BAZ2B: variants seen among roughly 807,000 people sequenced by gnomAD.
BAZ2B encodes the protein bromodomain adjacent to zinc finger domain protein 2B.
Under a neutral mutation model 246.0 loss-of-function variants are expected in BAZ2B, and 91 were observed. The observed-to-expected ratio is 0.37, with a 90% CI of 0.31 to 0.44. BAZ2B has a LOEUF of 0.44. Ranked by LOEUF, BAZ2B falls within the 20% of genes least tolerant of loss-of-function variation. BAZ2B has a pLI of 1.00. For synonymous variants in BAZ2B, 855 were observed against 860.0 expected, an observed-to-expected ratio of 0.99 and a Z score of 0.10; for missense variants, 2,332 against 2,533.7, an observed-to-expected ratio of 0.92 and a Z score of 1.71.
chr2:159,685,064 G>T, the BAZ2B span, among the ~76,000 whole-genome samples: 61,737 of 151,930 alleles, frequency 0.41, 13,092 homozygotes, highest in African/African-American at 0.51. Context: ...GCCTTTTTAT[G>T]TATGCATATT....
intron 2 of BAZ2B, among the ~76,000 whole-genome samples, chr2:159,501,167 ATAT>A (rs1559629157): frequency 9.9e-6 from 1 of 101,372 alleles, no homozygotes; most frequent in African/African-American, 3.9e-5. Flanking sequence ...TAAATATATA[ATAT>A]ATATTATATA....
intron 2 of BAZ2B, among the ~76,000 whole-genome samples, chr2:159,514,180 C>T (rs1450568112): frequency 1.3e-5 from 2 of 152,100 alleles, no homozygotes; most frequent in Non-Finnish European, 2.9e-5. Context: ...TATTATTAAT[C>T]TCCACTCCTA....
chr2:159,606,148 A>G (rs1011957644), intron 1 of BAZ2B, among the ~76,000 whole-genome samples: 1 of 152,218 alleles, frequency 6.6e-6, no homozygotes, highest in Non-Finnish European at 1.5e-5. Context: ...CAAAATCTTG[A>G]TATGTTCCAA....
At chr2:159,679,025 C>G in the BAZ2B span, among the ~76,000 whole-genome samples, 1 of 152,138 alleles carries the variant, frequency 6.6e-6, no homozygotes, top group Non-Finnish European at 1.5e-5. Flanking sequence ...GTAATCCCAG[C>G]ACTTTGGGAG....
At chr2:159,527,490 A>C (rs750423813) in intron 2 of BAZ2B, among the ~76,000 whole-genome samples, 6 of 152,168 alleles carry the variant, frequency 3.9e-5, no homozygotes, top group Non-Finnish European at 8.8e-5. Flanking sequence ...TCTTCTATGG[A>C]TCATGTTTTT....
upstream of BAZ2B, among the ~76,000 whole-genome samples, chr2:159,620,580 G>A (rs1198702619): frequency 6.6e-6 from 1 of 152,178 alleles, no homozygotes; most frequent in Non-Finnish European, 1.5e-5. Context: ...TATTTGAACT[G>A]CATCTCAAAT....
At chr2:159,458,443 A>G in intron 3 of BAZ2B, 1 of 152,400 alleles carries the variant, frequency 6.6e-6, no homozygotes, top group Non-Finnish European at 1.5e-5. Flanking sequence ...CTCCTGCCTC[A>G]GCCTCCCAAG....
At chr2:159,448,572 A>T (rs967363450) in intron 4 of BAZ2B, among the ~76,000 whole-genome samples, 163 bp from the exon 5 acceptor site, 2 of 152,228 alleles carry the variant, frequency 1.3e-5, no homozygotes, top group African/African-American at 4.8e-5. Flanking sequence ...AAACAGTAGA[A>T]CTTGTACACT....
chr2:159,563,861 A>G (rs1452583263), intron 1 of BAZ2B, among the ~76,000 whole-genome samples: 1 of 152,254 alleles, frequency 6.6e-6, no homozygotes, highest in Non-Finnish European at 1.5e-5. Flanking sequence ...AAATCAGAAT[A>G]TGAATCACAA....
chr2:159,349,632 C>T, intron 28 of BAZ2B, 76 bp downstream of exon 28: 3 of 1,424,914 alleles, frequency 2.1e-6, no homozygotes, highest in Non-Finnish European at 2.8e-6. Context: ...GAGTGAGCCC[C>T]CTTGAGCAAA....
chr2:159,397,021 C>G (rs1218148592), intron 19 of BAZ2B: 6 of 1,302,636 alleles, frequency 4.6e-6, no homozygotes, highest in Non-Finnish European at 6.1e-6. Flanking sequence ...ACAACCATAT[C>G]ACAACCAAAT....
At chr2:159,475,560 G>A (rs553707542) in intron 3 of BAZ2B, among the ~76,000 whole-genome samples, 7 of 152,186 alleles carry the variant, frequency 4.6e-5, no homozygotes, top group Admixed American at 2.6e-4. Flanking sequence ...CTGTCAATTC[G>A]TCAAACTCAT....
chr2:159,467,936 T>C (rs948897283), intron 3 of BAZ2B, among the ~76,000 whole-genome samples: 3 of 152,140 alleles, frequency 2.0e-5, no homozygotes, highest in Middle Eastern at 3.2e-3. Flanking sequence ...GCTTATCAAC[T>C]AAAGGTGCAA....
In BAZ2B at chr2:159,453,704, T is replaced by C; in HGVS notation, c.243A>G (p.Ser81=). 1 of 1,613,854 alleles carries C rather than the reference T, an allele frequency of 6.2e-7. No individual in the cohort carries two copies. The highest frequency in any genetic ancestry group is 8.5e-7 in the Non-Finnish European group (1 of 1,179,896). ...MVSHPVFGLH[S]ASSGHSEFGG... The stretch of plus-strand genomic sequence containing the variant: ...CAAATTCTGAATGCCCTGAGCTGGC[T>C]GAATGTAGACCAAAGACTGGGTGGC... The change falls in exon 4 of 37, where the codon TCA becomes TCG. Residue 81 remains serine, a synonymous_variant. Coordinates refer to ENST00000392783, the MANE Select transcript of BAZ2B (RefSeq NM_013450.4).
chr2:159,547,325 T>G (rs971415282), intron 2 of BAZ2B, among the ~76,000 whole-genome samples: 2 of 152,184 alleles, frequency 1.3e-5, no homozygotes, highest in Non-Finnish European at 2.9e-5. Flanking sequence ...TTAGTTAAAC[T>G]TTTTTAACAT....
intron 2 of BAZ2B, among the ~76,000 whole-genome samples, chr2:159,552,107 C>T (rs901926676): frequency 3.3e-5 from 5 of 152,134 alleles, no homozygotes; most frequent in Admixed American, 6.5e-5. Flanking sequence ...TTGGTTTTCT[C>T]GCCCATTACC....
chr2:159,640,837 A>G, the BAZ2B span, among the ~76,000 whole-genome samples: 2 of 151,980 alleles, frequency 1.3e-5, no homozygotes, highest in Non-Finnish European at 2.9e-5. Context: ...TAAAAAAAAA[A>G]CTAGAAAAGC....
At chr2:159,552,578 C>A (rs568610508) in intron 2 of BAZ2B, among the ~76,000 whole-genome samples, 1 of 152,318 alleles carries the variant, frequency 6.6e-6, no homozygotes, top group Non-Finnish European at 1.5e-5. Context: ...ATCGCTAGTA[C>A]ACAGTGACGT....
chr2:159,348,319 CAAAAAAAAAAAA>C (rs541304274), intron 30 of BAZ2B, among the ~76,000 whole-genome samples: 2 of 27,152 alleles, frequency 7.4e-5, no homozygotes, highest in Non-Finnish European at 1.0e-4. Flanking sequence ...GACTCTCTCA[CAAAAAAAAAAAA>C]AAAAAAAAAA....
Sources: gnomAD v4.1 joint callset for allele counts (sites outside exome capture counted in the v4.1 genomes callset) on GRCh38, gnomAD v4.1.1 for gene constraint, MANE v1.5 for transcripts, NCBI Gene and HGNC (gene_info 2026-07-23, HGNC 2026-07-21) for gene names.